CTNNA3: variants seen among roughly 807,000 people sequenced by gnomAD.
CTNNA3 encodes the protein catenin alpha 3, also known as catenin alpha-3.
In CTNNA3, 76 loss-of-function variants were observed where a neutral mutation model predicts 95.7. The ratio of observed to expected loss-of-function variants is 0.79; its 90% CI spans 0.66 to 0.96. The LOEUF (loss-of-function observed/expected upper bound fraction) is 0.96, where lower values mean the gene tolerates loss of function less well. Ranked by LOEUF, CTNNA3 falls within the 40% of genes least tolerant of loss-of-function variation. CTNNA3 has a pLI of 0.00. For synonymous variants in CTNNA3, 431 were observed against 374.4 expected (o/e 1.15, Z -1.74); for missense variants, 1,191 against 1,089.8 (o/e 1.09, Z -1.31).
At chr10:67,062,018 T>A (rs1245615836) in intron 7 of CTNNA3, among the ~76,000 whole-genome samples, 1 of 152,114 alleles carries the variant, frequency 6.6e-6, no homozygotes, top group East Asian at 1.9e-4. Context: ...AACCATAGTA[T>A]AACCCTTAGA....
At chr10:66,905,426 G>A (rs1336994721) in intron 7 of CTNNA3, among the ~76,000 whole-genome samples, 11 of 152,092 alleles carry the variant, frequency 7.2e-5, no homozygotes, top group African/African-American at 1.7e-4. Flanking sequence ...TGTAAATGAC[G>A]AGTTGATGGG....
intron 7 of CTNNA3, among the ~76,000 whole-genome samples, chr10:67,068,154 G>T (rs1045960962): frequency 1.3e-5 from 2 of 152,146 alleles, no homozygotes; most frequent in Non-Finnish European, 2.9e-5. Context: ...ACTAAGCTGA[G>T]TCAGTGGAAA....
At chr10:67,030,758 C>A (rs998400718) in intron 7 of CTNNA3, among the ~76,000 whole-genome samples, 3 of 152,114 alleles carry the variant, frequency 2.0e-5, no homozygotes, top group Non-Finnish European at 4.4e-5. Flanking sequence ...GTGATCCCAG[C>A]ACTTTGGGAG....
chr10:67,744,900 A>T (rs1234247136), intron 1 of CTNNA3, among the ~76,000 whole-genome samples: 2 of 152,188 alleles, frequency 1.3e-5, no homozygotes, highest in African/African-American at 2.4e-5. Context: ...CAAAAAACAC[A>T]TGAAAAAATG....
chr10:66,362,123 A>G (rs1211480840), intron 12 of CTNNA3, among the ~76,000 whole-genome samples: 2 of 71,216 alleles, frequency 2.8e-5, no homozygotes, highest in Non-Finnish European at 5.2e-5. Flanking sequence ...TTTTTTTTTG[A>G]GACGGAGTCT....
At chr10:66,729,025 G>C (rs918838799) in intron 9 of CTNNA3, among the ~76,000 whole-genome samples, 2 of 152,142 alleles carry the variant, frequency 1.3e-5, no homozygotes, top group Non-Finnish European at 2.9e-5. Flanking sequence ...CCCATTACTT[G>C]TTTTTGTCAA....
intron 1 of CTNNA3, among the ~76,000 whole-genome samples, chr10:67,726,363 A>AATATATAATATT (rs1253594252): frequency 2.4e-5 from 1 of 41,618 alleles, no homozygotes; most frequent in Non-Finnish European, 3.6e-5. Flanking sequence ...TATATGATAT[A>AATATATAATATT]ATATATGATA....
At chr10:66,295,934 AT>A (rs35430973) in intron 12 of CTNNA3, among the ~76,000 whole-genome samples, 45,563 of 151,958 alleles carry the variant, frequency 0.3, 7,696 homozygotes, top group African/African-American at 0.45. Context: ...AATTTTGGAG[AT>A]GGCAATAACA....
At chr10:67,266,683 C>G (rs1866839517) in intron 5 of CTNNA3, among the ~76,000 whole-genome samples, 1 of 152,188 alleles carries the variant, frequency 6.6e-6, no homozygotes, top group East Asian at 1.9e-4. Context: ...TGAGGAGTTG[C>G]TTTTCAAAGG....
intron 15 of CTNNA3, among the ~76,000 whole-genome samples, chr10:65,990,653 C>A (rs1392583681): frequency 6.6e-6 from 1 of 150,808 alleles, no homozygotes; most frequent in Non-Finnish European, 1.5e-5. Flanking sequence ...AAACAGTTTG[C>A]AAATATTTTT....
chr10:66,466,400 A>C (rs1838918483), intron 11 of CTNNA3, among the ~76,000 whole-genome samples: 1 of 148,484 alleles, frequency 6.7e-6, no homozygotes, highest in Admixed American at 6.8e-5. Flanking sequence ...TTCCCCGGAG[A>C]ACTCCGACCA....
At chr10:66,521,223 AT>A (rs1436768067) in intron 10 of CTNNA3, among the ~76,000 whole-genome samples, 1 of 151,810 alleles carries the variant, frequency 6.6e-6, no homozygotes, top group African/African-American at 2.4e-5. Context: ...TATTTTTAAA[AT>A]TTTCCTACTC....
At chr10:66,243,400 T>C (rs1192803995) in intron 13 of CTNNA3, among the ~76,000 whole-genome samples, 1 of 152,200 alleles carries the variant, frequency 6.6e-6, no homozygotes, top group African/African-American at 2.4e-5. Context: ...CTCTATTCTA[T>C]CTGAAGCCTG....
intron 7 of CTNNA3, among the ~76,000 whole-genome samples, chr10:67,123,601 C>T (rs899441156): frequency 6.6e-6 from 1 of 152,146 alleles, no homozygotes; most frequent in Admixed American, 6.5e-5. Flanking sequence ...TAAAATTGTA[C>T]ACAATAAAAT....
At chr10:66,483,038 A>T (rs1839595994) in intron 11 of CTNNA3, among the ~76,000 whole-genome samples, 1 of 152,160 alleles carries the variant, frequency 6.6e-6, no homozygotes, top group African/African-American at 2.4e-5. Flanking sequence ...ACGTTTTCCT[A>T]AGCCAATGAG....
At chr10:66,030,843 A>G (rs529030247) in intron 15 of CTNNA3, among the ~76,000 whole-genome samples, 7 of 152,300 alleles carry the variant, frequency 4.6e-5, no homozygotes, top group Admixed American at 3.9e-4. Flanking sequence ...AACTTGAACA[A>G]TTGAACAAGT....
intron 1 of CTNNA3, among the ~76,000 whole-genome samples, chr10:67,654,293 T>G (rs75823538): frequency 0.048 from 7,238 of 152,222 alleles, 584 homozygotes; most frequent in African/African-American, 0.17. Flanking sequence ...AATTGTAACT[T>G]ATACACATAG....
At chr10:66,241,110 C>CACAA (rs1394628592) in intron 13 of CTNNA3, among the ~76,000 whole-genome samples, 2 of 151,364 alleles carry the variant, frequency 1.3e-5, no homozygotes, top group African/African-American at 4.9e-5. Context: ...CCAGAACAAC[C>CACAA]ACAAACAAAC....
intron 13 of CTNNA3, among the ~76,000 whole-genome samples, chr10:66,269,840 C>T (rs1173504818): frequency 6.6e-6 from 1 of 152,098 alleles, no homozygotes; most frequent in African/African-American, 2.4e-5. Context: ...ATCTTGTCAC[C>T]TGAACTAGGT....
Sources: allele counts gnomAD v4.1 joint callset (sites outside exome capture counted in the v4.1 genomes callset), GRCh38; gene constraint gnomAD v4.1.1; transcripts MANE v1.5; gene names NCBI Gene and HGNC (gene_info 2026-07-23, HGNC 2026-07-21).